DTL: variants seen among roughly 807,000 people sequenced by gnomAD.
DTL encodes the protein denticleless protein homolog.
Under a neutral mutation model 87.0 loss-of-function variants are expected in DTL, and 46 were observed. That is an observed-to-expected ratio of 0.53 (90% CI 0.42 to 0.68). The LOEUF (loss-of-function observed/expected upper bound fraction) is 0.68. Ranked by LOEUF, DTL falls within the 30% of genes least tolerant of loss-of-function variation. The probability of loss-of-function intolerance (pLI) is 0.00; values close to 1 mark genes in which losing one functional copy is unlikely to be tolerated. For missense variants in DTL, 737 were observed against 869.4 expected, an observed-to-expected ratio of 0.85 and a Z score of 1.91; for synonymous variants, 308 against 311.2, an observed-to-expected ratio of 0.99 and a Z score of 0.11.
intron 13 of DTL, among the ~76,000 whole-genome samples, chr1:212,091,821 T>C (rs917724237): frequency 2.6e-5 from 4 of 152,238 alleles, no homozygotes; most frequent in Non-Finnish European, 5.9e-5. Context: ...CACAAAAATA[T>C]ATGAAGTGAT....
intron 5 of DTL, among the ~76,000 whole-genome samples, chr1:212,057,736 T>A (rs1371889233): frequency 1.3e-5 from 2 of 152,194 alleles, no homozygotes; most frequent in South Asian, 2.1e-4. Flanking sequence ...CCTTCACATA[T>A]CAATAACGTT....
intron 13 of DTL, among the ~76,000 whole-genome samples, chr1:212,093,879 C>T (rs1239652034): frequency 6.6e-6 from 1 of 152,144 alleles, no homozygotes; most frequent in East Asian, 1.9e-4. Context: ...AGCCAGGGAT[C>T]ACACCTTCTT....
At chr1:212,094,743 T>C (rs1655392949) in intron 13 of DTL, among the ~76,000 whole-genome samples, 1 of 152,228 alleles carries the variant, frequency 6.6e-6, no homozygotes, top group Non-Finnish European at 1.5e-5. Flanking sequence ...GCGTAGGTTG[T>C]GTTTTTCCAT....
intron 1 of DTL, 81 bp from the exon 2 acceptor site, chr1:212,042,912 C>T (rs1322109984): frequency 8.8e-6 from 12 of 1,368,134 alleles, no homozygotes; most frequent in Non-Finnish European, 9.8e-6. Flanking sequence ...TTCTTAAGGA[C>T]AAATATTTAC....
At chr1:212,064,816 C>T (rs542686453) in intron 6 of DTL, 101 bp from the exon 7 acceptor site, 1 of 931,730 alleles carries the variant, frequency 1.1e-6, no homozygotes, top group African/African-American at 1.6e-5. Flanking sequence ...CTAATTTCAC[C>T]AACTTGGTCA....
At chr1:212,037,378 T>C (rs1667512831) in intron 1 of DTL, among the ~76,000 whole-genome samples, 1 of 152,248 alleles carries the variant, frequency 6.6e-6, no homozygotes, top group Non-Finnish European at 1.5e-5. Flanking sequence ...CTTGACCCCT[T>C]TTCTTCTTCT....
chr1:212,036,945 C>T (rs1667486901), intron 1 of DTL, among the ~76,000 whole-genome samples: 1 of 152,170 alleles, frequency 6.6e-6, no homozygotes, highest in East Asian at 1.9e-4. Flanking sequence ...GAAGTAGTCC[C>T]TCAACTTCCT....
chr1:212,036,067 T>C, intron 1 of DTL, 125 bp downstream of exon 1: 1 of 869,688 alleles, frequency 1.1e-6, no homozygotes, highest in Non-Finnish European at 1.9e-6. Flanking sequence ...ATGGCAAGGG[T>C]AAATTAGTGT....
intron 13 of DTL, among the ~76,000 whole-genome samples, chr1:212,085,881 T>C (rs1286386726): frequency 2.0e-5 from 3 of 152,230 alleles, no homozygotes; most frequent in Non-Finnish European, 4.4e-5. Flanking sequence ...GAGACTATTC[T>C]TTAGCCCATT....
rs1655731778 is a variant in DTL at position 212,104,906 on chromosome 1, A to G, written c.*1966A>G. 6.6e-6 allele frequency: 1 copy of G among 152,228 alleles called. No individual in the cohort carries two copies. Among genetic ancestry groups the G allele is most frequent in the Admixed American group, 6.5e-5 (1 of 15,286 alleles). 9.4% of individuals were successfully genotyped at this position (152,228 alleles called of 1,614,324 possible). A position where few individuals can be genotyped will look rare whatever the true frequency, so the allele number is the denominator to read the frequency against. ...GAAGCAGTCTACAAAAAAGAACTAT[A>G]GTAGTCAAGAATCCCTTCTACTTGT... On this transcript the variant is annotated 3_prime_UTR_variant, in exon 15 of 15. Transcript: ENST00000366991.
chr1:212,077,320 G>A (rs1247641871), intron 11 of DTL, among the ~76,000 whole-genome samples: 1 of 152,102 alleles, frequency 6.6e-6, no homozygotes, highest in Non-Finnish European at 1.5e-5. Flanking sequence ...GCTGTCAAAT[G>A]TACATAACTG....
intron 11 of DTL, among the ~76,000 whole-genome samples, chr1:212,075,090 C>T (rs560446220): frequency 6.6e-6 from 1 of 152,218 alleles, no homozygotes; most frequent in African/African-American, 2.4e-5. Flanking sequence ...ACTGGTGAAA[C>T]GTTGAGCCTG....
At chr1:212,076,672 C>A (rs1654840203) in intron 11 of DTL, among the ~76,000 whole-genome samples, 1 of 152,186 alleles carries the variant, frequency 6.6e-6, no homozygotes, top group Non-Finnish European at 1.5e-5. Context: ...TGCTACCAGA[C>A]CTGTTTGGAC....
chr1:212,078,349 AT>A, intron 12 of DTL, 87 bp downstream of exon 12: 2 of 842,708 alleles, frequency 2.4e-6, no homozygotes, highest in Non-Finnish European at 3.9e-6. Flanking sequence ...AATGATATAA[AT>A]TTTTATGTTT....
intron 11 of DTL, chr1:212,077,490 A>G (rs1311438528): frequency 6.6e-6 from 1 of 152,468 alleles, no homozygotes; most frequent in Non-Finnish European, 1.5e-5. Flanking sequence ...GTTTTAGAGG[A>G]AAAAAATGTT....
At chr1:212,074,452 A>G (rs563154753) in intron 11 of DTL, among the ~76,000 whole-genome samples, 1 of 152,316 alleles carries the variant, frequency 6.6e-6, no homozygotes, top group Admixed American at 6.5e-5. Flanking sequence ...ATCAGTGTCT[A>G]CCACATACAA....
chr1:212,065,711 T>C (rs1023514698), intron 7 of DTL, among the ~76,000 whole-genome samples: 70 of 152,116 alleles, frequency 4.6e-4, no homozygotes, highest in African/African-American at 1.3e-3. Context: ...CAGAAAAATA[T>C]GTTTTTTGTT....
chr1:212,074,566 G>A (rs892754036), intron 11 of DTL, among the ~76,000 whole-genome samples: 2 of 152,142 alleles, frequency 1.3e-5, no homozygotes, highest in Non-Finnish European at 2.9e-5. Context: ...TCGGTGTACA[G>A]GCTCTGATAT....
chr1:212,040,961 C>T (rs1027920297), intron 1 of DTL, among the ~76,000 whole-genome samples: 2 of 152,294 alleles, frequency 1.3e-5, no homozygotes, highest in African/African-American at 4.8e-5. Flanking sequence ...AGCGAAACCA[C>T]GGGTGAGGGG....
Sources: gnomAD v4.1 joint callset for allele counts (sites outside exome capture counted in the v4.1 genomes callset) on GRCh38, gnomAD v4.1.1 for gene constraint, MANE v1.5 for transcripts, NCBI Gene and HGNC (gene_info 2026-07-23, HGNC 2026-07-21) for gene names.